FUT8: variants seen among roughly 807,000 people sequenced by gnomAD.
FUT8 encodes the protein alpha-(1,6)-fucosyltransferase.
In FUT8, 29 loss-of-function variants were observed where a neutral mutation model predicts 71.3. That is an observed-to-expected ratio of 0.41 (90% CI 0.30 to 0.55). FUT8 has a LOEUF of 0.55. Among genes scored for constraint, FUT8 ranks in the 20% least tolerant of loss-of-function variants. The pLI, the probability that FUT8 is intolerant of heterozygous loss-of-function variation, is 0.34. For missense variants in FUT8, 544 were observed against 702.1 expected, an observed-to-expected ratio of 0.77 and a Z score of 2.55; for synonymous variants, 254 against 239.3, an observed-to-expected ratio of 1.06 and a Z score of -0.57.
At chr14:65,406,017 C>T (rs2065087784), upstream of FUT8, among the ~76,000 whole-genome samples, 1 of 152,162 alleles carries the variant, frequency 6.6e-6, no homozygotes, top group Admixed American at 6.5e-5. Context: ...GCAGTAGTTC[C>T]TATAGGAAAG....
At chr14:65,450,839 G>A (rs916911291) in intron 1 of FUT8, among the ~76,000 whole-genome samples, 6 of 151,000 alleles carry the variant, frequency 4.0e-5, no homozygotes, top group African/African-American at 1.5e-4. Context: ...GGGGTGCCTT[G>A]TTTACCCAGC....
chr14:65,607,328 G>A lies in FUT8; in HGVS notation c.204-8650G>A, dbSNP rs557685521. On this transcript the variant is annotated intron_variant, in intron 3 of 10. Transcript: ENST00000673929. This position sits in a 1 kb window ranked among gnomAD's most constrained non-coding sequence, Gnocchi z 4.1. Reference sequence around the variant, plus strand: ...ATCCATAGAATGTGATATTTATTATGAATTTCTAATATTCCTTACTGAATT... The same window carrying A: ...ATCCATAGAATGTGATATTTATTATAAATTTCTAATATTCCTTACTGAATT... 9.0e-4 allele frequency among the ~76,000 whole-genome samples: 137 copies of A among 151,892 alleles called. 4 individuals are homozygous for A. Among genetic ancestry groups the A allele is most frequent in the South Asian group, 2.3e-3 (11 of 4,764 alleles).
intron 2 of FUT8, among the ~76,000 whole-genome samples, chr14:65,518,039 G>C (rs1882829627): frequency 6.6e-6 from 1 of 152,236 alleles, no homozygotes; most frequent in Admixed American, 6.5e-5. Flanking sequence ...TTCTCTTTCA[G>C]AGTACTTTTC....
chr14:65,726,009 T>C (rs997794), intron 9 of FUT8, among the ~76,000 whole-genome samples: 15,392 of 152,046 alleles, frequency 0.1, 994 homozygotes, highest in African/African-American at 0.17. Context: ...CATGCGCGCA[T>C]GCGTGCACAC....
At chr14:65,609,175 GTCCCA>G in intron 3 of FUT8, among the ~76,000 whole-genome samples, 1 of 151,512 alleles carries the variant, frequency 6.6e-6, no homozygotes, top group Admixed American at 6.6e-5. Flanking sequence ...CGCTCCTGTA[GTCCCA>G]GCTACTTGGG....
intron 3 of FUT8, among the ~76,000 whole-genome samples, chr14:65,580,409 C>T (rs1030716802): frequency 6.6e-6 from 1 of 151,330 alleles, no homozygotes; most frequent in Non-Finnish European, 1.5e-5. Context: ...TTATGTGGTG[C>T]ATGACTAAAT....
At chr14:65,400,545 A>C in the FUT8 span, among the ~76,000 whole-genome samples, 1 of 152,150 alleles carries the variant, frequency 6.6e-6, no homozygotes, top group Non-Finnish European at 1.5e-5. Context: ...TCAACACATG[A>C]TAGCATTAGC....
At chr14:65,422,977 T>G (rs1337449511) in intron 1 of FUT8, among the ~76,000 whole-genome samples, 1 of 148,472 alleles carries the variant, frequency 6.7e-6, no homozygotes, top group Non-Finnish European at 1.5e-5. Flanking sequence ...ATTTTCTTTC[T>G]TTCTTTCTTT....
At chr14:65,443,982 T>A (rs1244376161) in intron 1 of FUT8, among the ~76,000 whole-genome samples, 1 of 152,180 alleles carries the variant, frequency 6.6e-6, no homozygotes, top group East Asian at 1.9e-4. Flanking sequence ...TTATAAAAAA[T>A]TTTAATTTAG....
intron 2 of FUT8, among the ~76,000 whole-genome samples, chr14:65,473,497 G>A (rs1260514930): frequency 1.3e-5 from 2 of 152,140 alleles, no homozygotes; most frequent in African/African-American, 2.4e-5. Context: ...TGCCACGGCA[G>A]TTTACACAGT....
chr14:65,585,474 A>G (rs577193373), intron 3 of FUT8, among the ~76,000 whole-genome samples: 2 of 152,326 alleles, frequency 1.3e-5, no homozygotes, highest in South Asian at 4.1e-4. Context: ...GGTGTGAGTC[A>G]CTGCACCCAG....
chr14:65,602,150 C>T (rs949550238), intron 3 of FUT8, among the ~76,000 whole-genome samples: 2 of 151,182 alleles, frequency 1.3e-5, no homozygotes, highest in African/African-American at 4.9e-5. Context: ...CCCCCGAGTC[C>T]CCAAAGTCCG....
intron 6 of FUT8, among the ~76,000 whole-genome samples, chr14:65,644,139 C>T (rs535405042): frequency 3.2e-4 from 49 of 152,196 alleles, no homozygotes; most frequent in Middle Eastern, 6.8e-3. Context: ...AGTAGCAAGA[C>T]GCCTATGAAG....
the FUT8 span, among the ~76,000 whole-genome samples, chr14:65,378,844 T>TTTTTG: frequency 1.5e-5 from 2 of 132,952 alleles, no homozygotes; most frequent in South Asian, 2.7e-4. Flanking sequence ...AAGGTTTTTT[T>TTTTTG]TTTTTTTTTT....
intron 7 of FUT8, among the ~76,000 whole-genome samples, chr14:65,680,682 A>G (rs1176679329): frequency 1.3e-5 from 2 of 152,184 alleles, no homozygotes; most frequent in Non-Finnish European, 2.9e-5. Context: ...ACTTGCCTAC[A>G]TATGCCTAAT....
At chr14:65,469,984 G>T (rs2066113148) in intron 2 of FUT8, among the ~76,000 whole-genome samples, 2 of 152,200 alleles carry the variant, frequency 1.3e-5, no homozygotes, top group South Asian at 4.1e-4. Context: ...GGGTCTATCT[G>T]GGGACGTGCC....
At chr14:65,573,510 TAGG>T (rs1399390112) in intron 3 of FUT8, among the ~76,000 whole-genome samples, 2 of 151,970 alleles carry the variant, frequency 1.3e-5, no homozygotes, top group Non-Finnish European at 2.9e-5. Context: ...ATATTACAAA[TAGG>T]AGGGAAATTG....
intron 10 of FUT8, among the ~76,000 whole-genome samples, chr14:65,737,870 C>T (rs1813659153): frequency 6.6e-6 from 1 of 152,090 alleles, no homozygotes; most frequent in Non-Finnish European, 1.5e-5. Flanking sequence ...ATTCTACTCC[C>T]CTTATTACAC....
intron 7 of FUT8, among the ~76,000 whole-genome samples, chr14:65,717,826 C>T (rs1293360550): frequency 6.6e-6 from 1 of 152,208 alleles, no homozygotes; most frequent in African/African-American, 2.4e-5. Flanking sequence ...CCTTCTTTGT[C>T]CCTTTTTATA....
Sources: gnomAD v4.1 joint callset for allele counts (sites outside exome capture counted in the v4.1 genomes callset) on GRCh38, gnomAD v4.1.1 for gene constraint, Gnocchi (gnomAD v3.1) non-coding constraint, MANE v1.5 for transcripts, NCBI Gene and HGNC (gene_info 2026-07-23, HGNC 2026-07-21) for gene names.